The following OR1F1 variants were observed in gnomAD, a reference collection of about 807,000 sequenced individuals.
The protein encoded by OR1F1 is olfactory receptor 1F1.
For synonymous variants in OR1F1, 184 were observed against 156.7 expected (o/e 1.17, Z -1.30); for missense variants, 493 against 376.3 (o/e 1.31, Z -2.57).
chr16:3,191,437 C>A, the OR1F1 span: 1 of 152,148 alleles, frequency 6.6e-6, no homozygotes, highest in Non-Finnish European at 1.5e-5. Flanking sequence ...TTCATTACGT[C>A]ACTTAGTTTC....
chr16:3,191,482 A>G, the OR1F1 span: 2 of 152,166 alleles, frequency 1.3e-5, no homozygotes, highest in African/African-American at 4.8e-5. Context: ...ATTACTAGAC[A>G]TAAAACGTTC....
chr16:3,192,821 C>CTGACTTG, the OR1F1 span, among the ~76,000 whole-genome samples: 36 of 152,250 alleles, frequency 2.4e-4, no homozygotes, highest in African/African-American at 7.9e-4. Flanking sequence ...TAAGAGGGCG[C>CTGACTTG]TGACTTGGGC....
upstream of OR1F1, among the ~76,000 whole-genome samples, chr16:3,200,801 A>C (rs1053931283): frequency 1.3e-5 from 2 of 152,298 alleles, no homozygotes; most frequent in East Asian, 3.9e-4. Context: ...GCTGTGTCCC[A>C]AGAACATGGT....
At chr16:3,201,010 A>G (rs745604055), upstream of OR1F1, among the ~76,000 whole-genome samples, 16 of 152,212 alleles carry the variant, frequency 1.1e-4, no homozygotes, top group Admixed American at 6.5e-5. Context: ...ATAACCTTTA[A>G]TCTACTTCCT....
chr16:3,204,816 A>G, exon 1 of OR1F1: 1 of 1,614,150 alleles, frequency 6.2e-7, no homozygotes, highest in African/African-American at 1.3e-5. Context: ...TCTCCTGCTC[A>G]GACACACACC....
At chr16:3,205,384 T>C (rs1958194368), downstream of OR1F1, among the ~76,000 whole-genome samples, 1 of 152,164 alleles carries the variant, frequency 6.6e-6, no homozygotes, top group Admixed American at 6.5e-5. Flanking sequence ...GCCGTGATCT[T>C]GGCTCACTGC....
chr16:3,191,363 G>T, the OR1F1 span: 1 of 152,280 alleles, frequency 6.6e-6, no homozygotes, highest in African/African-American at 2.4e-5. Flanking sequence ...CACCAGCGGG[G>T]ATGTCGGGGT....
chr16:3,204,244 C>T, upstream of OR1F1: 4 of 1,588,328 alleles, frequency 2.5e-6, no homozygotes, highest in Non-Finnish European at 3.4e-6. Context: ...GGATCCCAGG[C>T]CCATGAGCGG....
rs752059513 is a variant in OR1F1, at chr16:3,204,659, A to G, written c.413A>G (p.His138Arg). 8.7e-6 allele frequency: 14 copies of G among 1,613,992 alleles called. No homozygotes were observed. In the Admixed American group the frequency reaches 2.2e-4, roughly 25 times the overall value. Reference sequence around the variant, plus strand: ...TTACATTACACAGCAAAGATGACCCATCAGCTCTGTGCCCTGCTGGTTGCT... The same window carrying G: ...TTACATTACACAGCAAAGATGACCCGTCAGCTCTGTGCCCTGCTGGTTGCT... Residue 138 changes from histidine to arginine, a missense_variant, in exon 1 of 1, where the codon CAT (histidine) becomes CGT (arginine). Transcript: ENST00000304646.
chr16:3,193,433 C>T, the OR1F1 span, among the ~76,000 whole-genome samples: 1 of 152,204 alleles, frequency 6.6e-6, no homozygotes, highest in African/African-American at 2.4e-5. Context: ...AGTCGGGCTC[C>T]GCGAAGCCCA....
downstream of OR1F1, chr16:3,205,325 A>G (rs904399725): frequency 7.7e-6 from 5 of 651,218 alleles, no homozygotes; most frequent in Non-Finnish European, 1.3e-5. Context: ...ATTAATTATA[A>G]TTTTTTTTGA....
the OR1F1 span, among the ~76,000 whole-genome samples, chr16:3,192,305 G>C: frequency 2.0e-5 from 3 of 152,158 alleles, no homozygotes; most frequent in African/African-American, 7.2e-5. Flanking sequence ...CGCCCGCCTC[G>C]GCCTCCCAAA....
At chr16:3,203,429 G>A (rs1173628734), upstream of OR1F1, among the ~76,000 whole-genome samples, 1 of 152,232 alleles carries the variant, frequency 6.6e-6, no homozygotes, top group Non-Finnish European at 1.5e-5. Context: ...AGCCAACCCA[G>A]GACTTCAGGA....
upstream of OR1F1, chr16:3,204,184 G>C (rs1051334326): frequency 4.6e-6 from 6 of 1,294,738 alleles, no homozygotes; most frequent in Non-Finnish European, 6.4e-6. Flanking sequence ...ATCTTAACCA[G>C]CATTTTCCAA....
At chr16:3,199,956 T>C (rs8046177), upstream of OR1F1, among the ~76,000 whole-genome samples, 42,324 of 150,494 alleles carry the variant, frequency 0.28, 6,626 homozygotes, top group African/African-American at 0.43. Flanking sequence ...GCGGAGGTTG[T>C]GGTGAACCGA....
the OR1F1 span, among the ~76,000 whole-genome samples, chr16:3,189,370 C>T: frequency 6.6e-6 from 1 of 152,196 alleles, no homozygotes; most frequent in Non-Finnish European, 1.5e-5. Flanking sequence ...GACGCCGAAT[C>T]CCCAACTCAA....
chr16:3,191,793 T>C, the OR1F1 span, among the ~76,000 whole-genome samples: 12 of 151,428 alleles, frequency 7.9e-5, 1 homozygote, highest in Admixed American at 2.0e-4. Flanking sequence ...GGGTGAGAAC[T>C]GAGGGGCCAC....
At chr16:3,201,596 A>C (rs929266364), upstream of OR1F1, among the ~76,000 whole-genome samples, 5 of 152,214 alleles carry the variant, frequency 3.3e-5, no homozygotes, top group African/African-American at 1.2e-4. Flanking sequence ...CATGGAATGG[A>C]TTGAGCTGAT....
chr16:3,196,679 C>A, the OR1F1 span, among the ~76,000 whole-genome samples: 6,791 of 150,342 alleles, frequency 0.045, 557 homozygotes, highest in African/African-American at 0.16. Context: ...TAAGCCACCA[C>A]GACTGGCGGT....
Sources: allele counts gnomAD v4.1 joint callset (sites outside exome capture counted in the v4.1 genomes callset), GRCh38; gene constraint gnomAD v4.1.1; transcripts MANE v1.5; gene names NCBI Gene and HGNC (gene_info 2026-07-23, HGNC 2026-07-21).